FGD3: variants seen among roughly 807,000 people sequenced by gnomAD.
FGD3 encodes the protein FYVE, RhoGEF and PH domain-containing protein 3.
FGD3 carries 45 observed loss-of-function variants against 71.8 expected under a neutral mutation model. That is an observed-to-expected ratio of 0.63 (90% CI 0.49 to 0.80). FGD3 has a LOEUF of 0.80. FGD3 is among the 30% of genes least tolerant of loss of function. The pLI is 0.00. For missense variants in FGD3, 844 were observed against 951.5 expected (o/e 0.89, Z 1.49); for synonymous variants, 378 against 392.8 (o/e 0.96, Z 0.44).
At chr9:93,033,266 T>C (rs1038090425) in intron 16 of FGD3, 4 of 321,634 alleles carry the variant, frequency 1.2e-5, no homozygotes, top group African/African-American at 6.5e-5. Flanking sequence ...AGCAGGGCCC[T>C]GGAGGCAGGC....
chr9:93,014,118 C>A, intron 9 of FGD3, 120 bp downstream of exon 9: 2 of 1,301,550 alleles, frequency 1.5e-6, no homozygotes, highest in East Asian at 2.7e-5. Context: ...GCCTCTCCTA[C>A]TGGGACTGTG....
chr9:92,990,020 A>C (rs1206594994), intron 3 of FGD3, among the ~76,000 whole-genome samples: 1 of 145,838 alleles, frequency 6.9e-6, no homozygotes, highest in South Asian at 2.2e-4. Flanking sequence ...TTTTTCAGCT[A>C]GTTTGTTGTT....
At chr9:92,952,850 T>G (rs905823719) in intron 1 of FGD3, among the ~76,000 whole-genome samples, 4 of 151,974 alleles carry the variant, frequency 2.6e-5, no homozygotes, top group Non-Finnish European at 4.4e-5. Flanking sequence ...GATTACTTCT[T>G]CCCCCGAGGT....
intron 15 of FGD3, among the ~76,000 whole-genome samples, chr9:93,032,173 A>T (rs1862381101): frequency 6.6e-6 from 1 of 152,148 alleles, no homozygotes; most frequent in African/African-American, 2.4e-5. Flanking sequence ...ATGTACAAAC[A>T]TCCCTTCAGA....
chr9:92,948,918 G>C (rs1858903578), intron 1 of FGD3, among the ~76,000 whole-genome samples: 1 of 152,182 alleles, frequency 6.6e-6, no homozygotes, highest in African/African-American at 2.4e-5. Flanking sequence ...TTCTGGGATT[G>C]GGCTGTGTCC....
At chr9:93,032,434 A>G in intron 15 of FGD3, 1 of 258,428 alleles carries the variant, frequency 3.9e-6, no homozygotes, top group Non-Finnish European at 7.6e-6. Flanking sequence ...TCTGGTTATG[A>G]ATTTGATTTG....
At chr9:93,004,853 G>A (rs924772269) in intron 5 of FGD3, among the ~76,000 whole-genome samples, 6 of 152,172 alleles carry the variant, frequency 3.9e-5, no homozygotes, top group Non-Finnish European at 8.8e-5. Flanking sequence ...TGGGAGGCCA[G>A]GGGGAGTCCC....
At chr9:93,020,478 G>A (rs762808762) in intron 13 of FGD3, 54 bp downstream of exon 13, 7 of 1,498,548 alleles carry the variant, frequency 4.7e-6, no homozygotes, top group Non-Finnish European at 6.4e-6. Context: ...GCTACCTGTG[G>A]AGAGCAGAAG....
At chr9:92,997,425 C>G (rs1188069502) in intron 3 of FGD3, among the ~76,000 whole-genome samples, 1 of 152,158 alleles carries the variant, frequency 6.6e-6, no homozygotes, top group Non-Finnish European at 1.5e-5. Flanking sequence ...GACTCTTTAT[C>G]CAATTTGCCA....
At position 93,020,345 on chromosome 9, in the gene FGD3, A is replaced by T; in HGVS notation, c.1415A>T (p.Lys472Ile). The change falls in exon 13 of 18, where the codon AAA becomes ATA. Residue 472 changes from lysine to isoleucine, a missense_variant. Coordinates refer to ENST00000375482, the MANE Select transcript of FGD3 (RefSeq NM_001083536.2). ...QIIQATIEKH[K>I]QNSETFKAFG... ...ATCCAGGCCACCATCGAGAAGCACA[A>T]ACAGAACAGCGAAACCTTCAAGGCT... 1 of 1,613,680 alleles carries T rather than the reference A, an allele frequency of 6.2e-7. No individual in the cohort carries two copies. The highest frequency in any genetic ancestry group is 8.5e-7 in the Non-Finnish European group (1 of 1,179,914).
At chr9:93,009,490 A>G (rs1010548167) in intron 6 of FGD3, among the ~76,000 whole-genome samples, 5 of 152,210 alleles carry the variant, frequency 3.3e-5, no homozygotes, top group African/African-American at 4.8e-5. Context: ...GCTGGTGGAC[A>G]GGACGACAAA....
At chr9:92,959,066 TCTC>T (rs1420470013) in intron 1 of FGD3, among the ~76,000 whole-genome samples, 3 of 152,128 alleles carry the variant, frequency 2.0e-5, no homozygotes, top group Non-Finnish European at 4.4e-5. Context: ...TTCAAGCAAT[TCTC>T]CTGCCTTAGC....
At chr9:93,001,783 C>A (rs971072549) in intron 3 of FGD3, among the ~76,000 whole-genome samples, 3 of 152,274 alleles carry the variant, frequency 2.0e-5, no homozygotes, top group African/African-American at 7.2e-5. Flanking sequence ...GACTGTCATG[C>A]AGGCCTGTCT....
At chr9:93,013,713 G>C (rs1861536823) in intron 8 of FGD3, 139 bp from the exon 9 acceptor site, 4 of 1,035,426 alleles carry the variant, frequency 3.9e-6, no homozygotes, top group Non-Finnish European at 5.8e-6. Context: ...ACATCACTCT[G>C]TTTTCCCTCC....
intron 1 of FGD3, among the ~76,000 whole-genome samples, chr9:92,971,233 A>G (rs1205358886): frequency 6.6e-6 from 1 of 152,150 alleles, no homozygotes; most frequent in Non-Finnish European, 1.5e-5. Flanking sequence ...TGTTTGCAAT[A>G]CAGAGTTGCA....
intron 1 of FGD3, among the ~76,000 whole-genome samples, chr9:92,961,945 C>A (rs1355352309): frequency 6.6e-6 from 1 of 152,210 alleles, no homozygotes; most frequent in Non-Finnish European, 1.5e-5. Context: ...TCACCTTCAT[C>A]ATTTCTGTAA....
In FGD3 at chr9:93,034,690, C is replaced by T. The variant is rs908433615; in HGVS notation, c.1926+9C>T. On this transcript the variant is annotated intron_variant, in intron 17 of 17. Coordinates refer to ENST00000375482, the MANE Select transcript of FGD3 (RefSeq NM_001083536.2). ...TGCAGGGAGGCAGCCAGGTACGTGT[C>T]CCCACCCCACCAGGCCCTCAGGCCA... 3.7e-6 allele frequency: 6 copies of T among 1,610,364 alleles called. No homozygotes were observed. The highest frequency in any genetic ancestry group is 5.1e-6 in the Non-Finnish European group (6 of 1,178,654).
intron 1 of FGD3, among the ~76,000 whole-genome samples, chr9:92,970,790 T>A (rs557555649): frequency 6.6e-6 from 1 of 152,326 alleles, no homozygotes; most frequent in African/African-American, 2.4e-5. Flanking sequence ...TGTGCACATG[T>A]GCGTTTGTTT....
intron 3 of FGD3, among the ~76,000 whole-genome samples, chr9:92,986,408 G>A (rs1201814938): frequency 6.6e-6 from 1 of 152,238 alleles, no homozygotes; most frequent in Non-Finnish European, 1.5e-5. Flanking sequence ...CTTGATGCAT[G>A]TTGAGAGGGG....
Sources: allele counts gnomAD v4.1 joint callset (sites outside exome capture counted in the v4.1 genomes callset), GRCh38; gene constraint gnomAD v4.1.1; transcripts MANE v1.5; gene names NCBI Gene and HGNC (gene_info 2026-07-23, HGNC 2026-07-21).